Variants in MGRN1 observed in about 807,000 individuals in gnomAD.
The protein encoded by MGRN1 is mahogunin ring finger 1, also known as E3 ubiquitin-protein ligase MGRN1.
Under a neutral mutation model 69.2 loss-of-function variants are expected in MGRN1, and 29 were observed. That is an observed-to-expected ratio of 0.42 (90% CI 0.31 to 0.57). MGRN1 has a LOEUF of 0.57. MGRN1 is among the 20% of genes least tolerant of loss of function. MGRN1 has a pLI of 0.15. For missense variants in MGRN1, 998 were observed against 796.2 expected (o/e 1.25, Z -3.05); for synonymous variants, 470 against 344.2 (o/e 1.37, Z -4.04).
chr16:4,639,370 C>T (rs926175328), intron 1 of MGRN1, among the ~76,000 whole-genome samples: 1 of 152,112 alleles, frequency 6.6e-6, no homozygotes, highest in Non-Finnish European at 1.5e-5. Context: ...ATAGCCCAGG[C>T]CGGGAAGGTG....
chr16:4,660,401 A>C (rs1283891296), intron 5 of MGRN1, among the ~76,000 whole-genome samples: 2 of 152,196 alleles, frequency 1.3e-5, no homozygotes, highest in Non-Finnish European at 2.9e-5. Flanking sequence ...GGCTATAGCC[A>C]CCATCTTGCA....
At chr16:4,685,298 A>G (rs2079284560) in intron 16 of MGRN1, among the ~76,000 whole-genome samples, 1 of 152,246 alleles carries the variant, frequency 6.6e-6, no homozygotes, top group Admixed American at 6.5e-5. Flanking sequence ...GTGGGGGAGC[A>G]TCTCAGAGGC....
In MGRN1 at chr16:4,679,446, C is replaced by T. The variant is rs1484272690; in HGVS notation, c.1066-586C>T. Among the ~76,000 whole-genome samples the T allele has an allele frequency of 3.3e-5, 5 of 152,208 alleles. No homozygotes were observed. The East Asian group carries it at 5.8e-4, about 18-fold the overall frequency. ...CCTCTCTGCATGGAGCAAAAGCAAA[C>T]GCTCCTCCTCACCTGCCAGGTTCCT... On this transcript the variant is annotated intron_variant, in intron 11 of 16. Transcript: ENST00000262370.
At chr16:4,686,394 G>C (rs1049209882) in intron 16 of MGRN1, 49 of 1,495,648 alleles carry the variant, frequency 3.3e-5, no homozygotes, top group Admixed American at 1.6e-4. Context: ...GGTTCCTTCT[G>C]GTTTTTGGGT....
rs150893432 is a variant in MGRN1, at chr16:4,663,391, T to TTTAA, written c.562-1318_562-1317insTTAA. On this transcript the variant is annotated intron_variant, in intron 5 of 16. Transcript: ENST00000262370. Reference sequence around the variant, plus strand: ...TTTTTTTTTTTTTTTTTTTTTTTTTTACACCTTTATTGTGTTATAATTACC... The same window carrying TTTAA: ...TTTTTTTTTTTTTTTTTTTTTTTTTTTTAAACACCTTTATTGTGTTATAATTACC... Among the ~76,000 whole-genome samples, 8 of 123,242 alleles carry TTTAA rather than the reference T, an allele frequency of 6.5e-5. 1 individual carries two copies. Among genetic ancestry groups the TTTAA allele is most frequent in the Non-Finnish European group, 1.2e-4 (7 of 56,350 alleles). 80.9% of individuals were successfully genotyped at this position (123,242 alleles called of 152,430 possible).
At chr16:4,675,594 C>T (rs542874403) in intron 10 of MGRN1, among the ~76,000 whole-genome samples, 10 of 152,108 alleles carry the variant, frequency 6.6e-5, no homozygotes, top group Non-Finnish European at 1.3e-4. Context: ...AAAAGTTAGC[C>T]AGATGTGTTG....
Position 4,688,874 on chromosome 16 carries a change from C to A in MGRN1, c.1697C>A (p.Pro566His). 1 of 1,553,284 alleles carries A rather than the reference C, an allele frequency of 6.4e-7. No homozygotes were observed. The highest frequency in any genetic ancestry group is 8.7e-7 in the Non-Finnish European group (1 of 1,148,010). ...TGGCCTCCACTTGGTGGCCCCAGCCCCGATCCCAGCGCCGCCGAGCTGACC... is the reference window on the plus strand; with the variant it reads ...TGGCCTCCACTTGGTGGCCCCAGCCACGATCCCAGCGCCGCCGAGCTGACC... Reference protein sequence around the residue: ...PTWPPLGGPSPDPSAAELTPL With the variant: ...PTWPPLGGPSHDPSAAELTPL The change falls in exon 17 of 17, where the codon CCC becomes CAC. Residue 566 changes from proline (P) to histidine (H), a missense_variant. Coordinates refer to ENST00000262370, the MANE Select transcript of MGRN1 (RefSeq NM_015246.4).
At chr16:4,687,511 TA>T (rs374907848) in intron 16 of MGRN1, 76 of 915,880 alleles carry the variant, frequency 8.3e-5, no homozygotes, top group South Asian at 3.5e-4. Flanking sequence ...GCTGTCTCAA[TA>T]AAAAAAAATA....
chr16:4,647,126 C>G (rs2078291334), intron 1 of MGRN1, among the ~76,000 whole-genome samples: 1 of 152,242 alleles, frequency 6.6e-6, no homozygotes, highest in Non-Finnish European at 1.5e-5. Flanking sequence ...TGCTGTGGCC[C>G]TTGTCTGCCA....
chr16:4,662,839 G>A (rs935884260), intron 5 of MGRN1, among the ~76,000 whole-genome samples: 12 of 152,186 alleles, frequency 7.9e-5, no homozygotes, highest in African/African-American at 2.7e-4. Context: ...TCAGGGGCGG[G>A]TGCTTGGCTG....
intron 5 of MGRN1, among the ~76,000 whole-genome samples, chr16:4,663,496 C>T (rs2078732218): frequency 6.8e-6 from 1 of 147,752 alleles, no homozygotes; most frequent in African/African-American, 2.5e-5. Context: ...AGCATCTGTT[C>T]TTTCAGTAAA....
intron 1 of MGRN1, among the ~76,000 whole-genome samples, chr16:4,627,963 C>A (rs557998305): frequency 2.7e-4 from 40 of 148,344 alleles, no homozygotes; most frequent in African/African-American, 1.0e-3. Flanking sequence ...ACCTGTAGTC[C>A]CAGCTACTCA....
chr16:4,657,696 C>T (rs2141899898), intron 5 of MGRN1, among the ~76,000 whole-genome samples: 1 of 143,992 alleles, frequency 6.9e-6, no homozygotes, highest in South Asian at 2.2e-4. Flanking sequence ...TTCCTTCAAG[C>T]TTTTTAACCT....
chr16:4,688,957 C>A lies in MGRN1; in HGVS notation c.*49C>A. On this transcript the variant is annotated 3_prime_UTR_variant, in exon 17 of 17. Coordinates refer to ENST00000262370, the MANE Select transcript of MGRN1 (RefSeq NM_015246.4). ...GGAGCCCTCGGCTCCCCAGACTTTG[C>A]CGAGGGGCTGCTCCGGACCCCGTTG... is the stretch of plus-strand genomic sequence containing the variant. 1 of 1,502,720 alleles carries A rather than the reference C, an allele frequency of 6.7e-7. No individual in the cohort carries two copies. Among genetic ancestry groups the A allele is most frequent in the Non-Finnish European group, 8.9e-7 (1 of 1,117,764 alleles). The allele number at this position is 1,502,720 out of a possible 1,614,324, so 93.1% of individuals were successfully genotyped here.
At chr16:4,664,620 C>T (rs1008254320) in intron 5 of MGRN1, 89 bp from the exon 6 acceptor site, 3 of 1,382,946 alleles carry the variant, frequency 2.2e-6, no homozygotes, top group African/African-American at 2.8e-5. Flanking sequence ...CTGCTCCTGC[C>T]TGCTTTGTCC....
At chr16:4,684,805 T>C (rs1034853732) in intron 16 of MGRN1, among the ~76,000 whole-genome samples, 12 of 152,354 alleles carry the variant, frequency 7.9e-5, no homozygotes, top group African/African-American at 2.9e-4. Flanking sequence ...GCCACGGTGC[T>C]TTCAGACATG....
At chr16:4,633,421 G>A (rs531659407) in intron 1 of MGRN1, among the ~76,000 whole-genome samples, 2 of 151,592 alleles carry the variant, frequency 1.3e-5, no homozygotes, top group East Asian at 2.0e-4. Context: ...GCTGGGTGCC[G>A]TGGCTCACAC....
chr16:4,689,872 C>G lies in MGRN1; in HGVS notation c.*964C>G, dbSNP rs1178361615. ...CCTCCGCCTCCCGGGTTCAAGTGAT[C>G]GTCCTGCCTTAGGCTCCTGAGTAGC... On this transcript the variant is annotated 3_prime_UTR_variant, in exon 17 of 17. Coordinates refer to ENST00000262370, the MANE Select transcript of MGRN1 (RefSeq NM_015246.4). 1 of 151,558 alleles carries G rather than the reference C, an allele frequency of 6.6e-6. No individual in the cohort carries two copies. Among genetic ancestry groups the G allele is most frequent in the Non-Finnish European group, 1.5e-5 (1 of 68,024 alleles). 9.4% of individuals were successfully genotyped at this position (151,558 alleles called of 1,614,324 possible).
chr16:4,686,220 T>C, intron 16 of MGRN1: 1 of 1,538,776 alleles, frequency 6.5e-7, no homozygotes, highest in East Asian at 2.4e-5. Flanking sequence ...GCGCGCTTGC[T>C]AACCGAGCTT....
Sources: allele counts gnomAD v4.1 joint callset (sites outside exome capture counted in the v4.1 genomes callset), GRCh38; gene constraint gnomAD v4.1.1; transcripts MANE v1.5; gene names NCBI Gene and HGNC (gene_info 2026-07-23, HGNC 2026-07-21).